Variants in LRRC37B observed in about 807,000 individuals in gnomAD.
LRRC37B encodes leucine-rich repeat-containing protein 37B.
Under a neutral mutation model 98.3 loss-of-function variants are expected in LRRC37B, and 28 were observed. The observed-to-expected ratio is 0.28, with a 90% CI of 0.21 to 0.39. The LOEUF (loss-of-function observed/expected upper bound fraction) is 0.39, where lower values mean the gene tolerates loss of function less well. Among genes scored for constraint, LRRC37B ranks in the 10% least tolerant of loss-of-function variants. LRRC37B has a pLI of 1.00. For missense variants in LRRC37B, 938 were observed against 1,182.7 expected (o/e 0.79, Z 3.03); for synonymous variants, 364 against 442.7 (o/e 0.82, Z 2.23).
chr17:32,052,639 A>G (rs907899117), intron 11 of LRRC37B: 3 of 152,234 alleles, frequency 2.0e-5, no homozygotes, highest in African/African-American at 4.8e-5. Context: ...CAGTATAACA[A>G]CTGTTGTCAT....
chr17:32,048,555 C>T lies in LRRC37B; in HGVS notation c.2465-547C>T, dbSNP rs563165159. 6.7e-3 allele frequency among the ~76,000 whole-genome samples: 1,014 copies of T among 151,698 alleles called. 3 individuals carry two copies. The highest frequency in any genetic ancestry group is 0.01 in the Non-Finnish European group (690 of 67,908). On this transcript the variant is annotated intron_variant, in intron 9 of 11. Coordinates refer to ENST00000327564, the Ensembl canonical transcript of LRRC37B. ...GACAGATCGAAAGACTTAGCCTACA[C>T]CATTTTAATTTTAGAAATGGCAATG...
At chr17:32,045,333 G>A (rs1201581251) in intron 7 of LRRC37B, among the ~76,000 whole-genome samples, 2 of 152,026 alleles carry the variant, frequency 1.3e-5, no homozygotes, top group South Asian at 2.1e-4. Context: ...TTGAGAAAGG[G>A]CCTTCAGAAG....
intron 7 of LRRC37B, among the ~76,000 whole-genome samples, chr17:32,045,284 C>A (rs569145352): frequency 6.6e-6 from 1 of 152,014 alleles, no homozygotes; most frequent in Non-Finnish European, 1.5e-5. Flanking sequence ...ATTTTTAATG[C>A]CTAGAGTAAT....
intron 11 of LRRC37B, chr17:32,050,403 T>G (rs1461055331): frequency 2.1e-5 from 6 of 285,522 alleles, no homozygotes; most frequent in African/African-American, 1.1e-4. Context: ...AACAATTGGA[T>G]GTACTCACTG....
chr17:32,027,570 TG>T (rs965844022), intron 2 of LRRC37B, among the ~76,000 whole-genome samples, 198 bp from the exon 6 acceptor site: 2 of 151,420 alleles, frequency 1.3e-5, no homozygotes, highest in Admixed American at 6.6e-5. Context: ...TGCGCTTGCC[TG>T]TGTGTGTGTG....
chr17:32,039,778 G>A (rs1185918612), intron 7 of LRRC37B, among the ~76,000 whole-genome samples: 1 of 150,986 alleles, frequency 6.6e-6, no homozygotes, highest in African/African-American at 2.4e-5. Flanking sequence ...CCTTCATTTG[G>A]CACTCTGCTC....
chr17:32,045,917 ATTGTT>A (rs1315059722), intron 8 of LRRC37B, 99 bp downstream of exon 11: 1 of 1,284,944 alleles, frequency 7.8e-7, no homozygotes, highest in East Asian at 2.6e-5. Flanking sequence ...TGATGATATA[ATTGTT>A]TTATTTACTC....
chr17:32,021,553 C>T (rs771239304), exon 1 of LRRC37B: 9 of 1,613,952 alleles, frequency 5.6e-6, no homozygotes, highest in Admixed American at 3.3e-5. Flanking sequence ...GAGGTGGTTC[C>T]GCTTCTCAAC....
At chr17:32,013,588 G>A (rs1216176943) in intron 1 of LRRC37B, among the ~76,000 whole-genome samples, 1 of 151,856 alleles carries the variant, frequency 6.6e-6, no homozygotes, top group Non-Finnish European at 1.5e-5. Context: ...TTTGCTGTAG[G>A]AATTACAAAA....
chr17:32,044,081 A>G (rs1345329169), intron 7 of LRRC37B, among the ~76,000 whole-genome samples: 1 of 151,492 alleles, frequency 6.6e-6, no homozygotes, highest in Non-Finnish European at 1.5e-5. Flanking sequence ...ATTTAAGCCT[A>G]GTCTGGCTGT....
At chr17:32,035,541 G>T in intron 6 of LRRC37B, 24 bp from the exon 10 acceptor site, 1 of 1,600,676 alleles carries the variant, frequency 6.2e-7, no homozygotes, top group Non-Finnish European at 8.5e-7. Flanking sequence ...TTCATATCAT[G>T]AATGTTTCGG....
chr17:32,010,879 C>T (rs1402076454), intron 1 of LRRC37B, among the ~76,000 whole-genome samples: 3 of 152,282 alleles, frequency 2.0e-5, no homozygotes, highest in Admixed American at 6.5e-5. Flanking sequence ...TGAGAATATG[C>T]GATACTTGTC....
At chr17:32,040,438 T>A in intron 7 of LRRC37B, 1 of 557,186 alleles carries the variant, frequency 1.8e-6, no homozygotes, top group South Asian at 1.7e-5. Flanking sequence ...AGGCAGCCTG[T>A]CGGTTGCAGG....
chr17:32,049,719 T>G (rs1467921840), intron 10 of LRRC37B, among the ~76,000 whole-genome samples: 4 of 152,010 alleles, frequency 2.6e-5, no homozygotes, highest in African/African-American at 9.7e-5. Flanking sequence ...ATACAAAAAT[T>G]AGCTGCGTGT....
At chr17:32,032,478 A>T (rs1003534671) in intron 5 of LRRC37B, among the ~76,000 whole-genome samples, 1 of 152,164 alleles carries the variant, frequency 6.6e-6, no homozygotes, top group Admixed American at 6.5e-5. Flanking sequence ...TCTGTATAAC[A>T]TACCCAGCAA....
At chr17:32,043,615 T>A (rs899485473) in intron 7 of LRRC37B, among the ~76,000 whole-genome samples, 1 of 152,192 alleles carries the variant, frequency 6.6e-6, no homozygotes, top group African/African-American at 2.4e-5. Flanking sequence ...AGTAAAATGC[T>A]AGGTTATGGT....
upstream of LRRC37B, chr17:32,020,954 G>A (rs1910753887): frequency 3.4e-6 from 5 of 1,461,190 alleles, no homozygotes; most frequent in South Asian, 7.3e-5. Context: ...TGGCGGGGTG[G>A]GAAGGGGCGC....
chr17:32,038,742 C>T (rs1016506705), intron 7 of LRRC37B, among the ~76,000 whole-genome samples: 12 of 152,232 alleles, frequency 7.9e-5, no homozygotes, highest in Admixed American at 3.9e-4. Context: ...CCTGTAATCC[C>T]GGCTACTCAG....
intron 1 of LRRC37B, among the ~76,000 whole-genome samples, chr17:32,015,997 C>T (rs1221216563): frequency 6.6e-6 from 1 of 152,142 alleles, no homozygotes; most frequent in Non-Finnish European, 1.5e-5. Context: ...TAATTTCTGT[C>T]TAAAATATAT....
Sources: allele counts gnomAD v4.1 joint callset (sites outside exome capture counted in the v4.1 genomes callset), GRCh38; gene constraint gnomAD v4.1.1; transcripts MANE v1.5; gene names NCBI Gene and HGNC (gene_info 2026-07-23, HGNC 2026-07-21).